Variants in RXFP1 observed in about 807,000 individuals in gnomAD.
The protein encoded by RXFP1 is relaxin receptor 1.
In RXFP1, 73 loss-of-function variants were observed where a neutral mutation model predicts 89.8. The ratio of observed to expected loss-of-function variants is 0.81; its 90% CI spans 0.67 to 0.99. The LOEUF (loss-of-function observed/expected upper bound fraction) is 0.99. Among genes scored for constraint, RXFP1 ranks in the 50% least tolerant of loss-of-function variants. The pLI, the probability that RXFP1 is intolerant of heterozygous loss-of-function variation, is 0.00. For synonymous variants in RXFP1, 277 were observed against 305.5 expected, an observed-to-expected ratio of 0.91 and a Z score of 0.97; for missense variants, 793 against 895.5, an observed-to-expected ratio of 0.89 and a Z score of 1.46.
chr4:158,599,580 A>G, intron 4 of RXFP1, 149 bp downstream of exon 4: 3 of 631,660 alleles, frequency 4.7e-6, no homozygotes, highest in Non-Finnish European at 5.2e-6. Context: ...ACTGATATTT[A>G]TTTTGCATTT....
intron 1 of RXFP1, among the ~76,000 whole-genome samples, chr4:158,546,933 G>T (rs555832785): frequency 2.6e-5 from 4 of 152,002 alleles, no homozygotes; most frequent in Non-Finnish European, 5.9e-5. Flanking sequence ...GTCTCTGCCC[G>T]GCTTTGGTAT....
At chr4:158,562,160 A>AC (rs1752582616) in intron 1 of RXFP1, among the ~76,000 whole-genome samples, 1 of 151,610 alleles carries the variant, frequency 6.6e-6, no homozygotes, top group Non-Finnish European at 1.5e-5. Flanking sequence ...AAACACTCCA[A>AC]CCCCCCAATA....
Position 158,617,156 on chromosome 4 carries a change from C to G in RXFP1, c.706C>G (p.Arg236Gly). ...AGTCCTGATGAATAACGTCCTCACCCGTTTACCTGATAAACCTCTCTGTCA... is the reference window on the plus strand; with the variant it reads ...AGTCCTGATGAATAACGTCCTCACCGGTTTACCTGATAAACCTCTCTGTCA... ...LLVLMNNVLT[R>G]LPDKPLCQHM... The change falls in exon 9 of 18, where the codon CGT becomes GGT. Residue 236 changes from arginine to glycine, a missense_variant. Transcript: ENST00000307765. The G allele has an allele frequency of 6.2e-7, 1 of 1,609,542 alleles. No individual in the cohort carries two copies.
intron 1 of RXFP1, among the ~76,000 whole-genome samples, chr4:158,547,713 TAGTCATTCAGG>T (rs1748870574): frequency 6.6e-6 from 1 of 152,184 alleles, no homozygotes; most frequent in Admixed American, 6.5e-5. Context: ...ATGTACCCAA[TAGTCATTCAGG>T]AGCAAGTTGT....
chr4:158,633,441 G>A lies in RXFP1; in HGVS notation c.936G>A (p.Pro312=), dbSNP rs368714199. Residue 312 remains proline, a synonymous_variant, in exon 12 of 18, where the codon CCG becomes CCA. Transcript: ENST00000307765. ...GTAATAAGATTGAAAATCTTCCACCGCTTATATTCAAGGACCTGAAGGAGC... is the reference window on the plus strand; with the variant it reads ...GTAATAAGATTGAAAATCTTCCACCACTTATATTCAAGGACCTGAAGGAGC... ...LGSNKIENLP[P]LIFKDLKELS... is the part of the protein sequence containing the mutation. 8.0e-5 allele frequency: 128 copies of A among 1,603,160 alleles called. No homozygotes were observed. Among genetic ancestry groups the A allele is most frequent in the African/African-American group, 2.1e-4 (16 of 74,644 alleles).
At chr4:158,539,977 A>C (rs1746203454) in intron 1 of RXFP1, among the ~76,000 whole-genome samples, 1 of 152,214 alleles carries the variant, frequency 6.6e-6, no homozygotes, top group Non-Finnish European at 1.5e-5. Context: ...ATTGTCATCT[A>C]ATACTGAGAC....
intron 9 of RXFP1, among the ~76,000 whole-genome samples, chr4:158,626,362 ATAT>A (rs1335056788): frequency 1.3e-5 from 2 of 152,222 alleles, no homozygotes; most frequent in East Asian, 3.9e-4. Flanking sequence ...TAGGAGCTAA[ATAT>A]TGTTTTGGCA....
chr4:158,579,544 G>A (rs1259023693), intron 2 of RXFP1, among the ~76,000 whole-genome samples: 3 of 152,200 alleles, frequency 2.0e-5, no homozygotes, highest in Non-Finnish European at 2.9e-5. Flanking sequence ...GATTACAGGC[G>A]TGAGCCACCG....
intron 6 of RXFP1, among the ~76,000 whole-genome samples, chr4:158,609,162 T>G (rs971954659): frequency 6.6e-6 from 1 of 152,212 alleles, no homozygotes; most frequent in East Asian, 1.9e-4. Flanking sequence ...ATACCAAGAA[T>G]TGGAATTGCT....
At chr4:158,636,196 G>A (rs1173120348) in intron 12 of RXFP1, among the ~76,000 whole-genome samples, 1 of 152,004 alleles carries the variant, frequency 6.6e-6, no homozygotes, top group Non-Finnish European at 1.5e-5. Context: ...TTTGAGTACA[G>A]CCTGAGCAAC....
chr4:158,617,498 C>T (rs559600782), intron 9 of RXFP1, among the ~76,000 whole-genome samples: 1 of 151,318 alleles, frequency 6.6e-6, no homozygotes, highest in Non-Finnish European at 1.5e-5. Context: ...ATCTATGTAA[C>T]ATCTCCCCCT....
chr4:158,643,783 C>T (rs182249067), intron 14 of RXFP1, among the ~76,000 whole-genome samples: 2 of 151,924 alleles, frequency 1.3e-5, no homozygotes, highest in East Asian at 3.9e-4. Context: ...CATGCTAGTT[C>T]TATTTGTAGT....
intron 1 of RXFP1, among the ~76,000 whole-genome samples, chr4:158,547,119 A>G (rs1748663517): frequency 2.0e-5 from 3 of 152,062 alleles, no homozygotes; most frequent in Non-Finnish European, 2.9e-5. Flanking sequence ...TATTGCCACA[A>G]TTTCAAAGTC....
intron 8 of RXFP1, among the ~76,000 whole-genome samples, chr4:158,613,150 A>G (rs533859593): frequency 6.6e-6 from 1 of 152,348 alleles, no homozygotes; most frequent in East Asian, 1.9e-4. Flanking sequence ...CTTTATTGCT[A>G]AAAAGAGCTA....
chr4:158,576,282 C>T (rs1258342752), intron 2 of RXFP1, among the ~76,000 whole-genome samples: 1 of 152,026 alleles, frequency 6.6e-6, no homozygotes, highest in Non-Finnish European at 1.5e-5. Flanking sequence ...ACATTTTGGC[C>T]AGGCCCAGTG....
intron 14 of RXFP1, among the ~76,000 whole-genome samples, chr4:158,641,612 G>A (rs1276063247): frequency 2.6e-5 from 4 of 152,154 alleles, no homozygotes; most frequent in African/African-American, 9.7e-5. Context: ...TAACCGAATG[G>A]GGAAATATCA....
In RXFP1 at chr4:158,647,036, G is replaced by A. The variant is rs1407624400; in HGVS notation, c.1591G>A (p.Val531Ile). The change falls in exon 16 of 18, where the codon GTT becomes ATT. Residue 531 changes from valine (V) to isoleucine (I), a missense_variant. Transcript: ENST00000307765. ...VRPGKCRTIT[V>I]LILIWITGFI... ...ACCTGGAAAATGCAGAACAATTACA[G>A]TTCTGATTCTCATTTGGATTACTGG... 1 of 1,614,088 alleles carries A rather than the reference G, an allele frequency of 6.2e-7. No homozygotes were observed.
chr4:158,571,933 G>T (rs1173051549), intron 1 of RXFP1, among the ~76,000 whole-genome samples: 5 of 152,194 alleles, frequency 3.3e-5, no homozygotes, highest in African/African-American at 1.2e-4. Flanking sequence ...AAAGCCATGT[G>T]TGCAGGTGTC....
intron 6 of RXFP1, chr4:158,610,779 C>G: frequency 8.9e-7 from 1 of 1,121,782 alleles, no homozygotes; most frequent in Non-Finnish European, 1.2e-6. Flanking sequence ...TTTCTTACCC[C>G]TTACTGTGCC....
Sources: allele counts gnomAD v4.1 joint callset (sites outside exome capture counted in the v4.1 genomes callset), GRCh38; gene constraint gnomAD v4.1.1; transcripts MANE v1.5; gene names NCBI Gene and HGNC (gene_info 2026-07-23, HGNC 2026-07-21).